Variants in SLC4A7 observed in about 807,000 individuals in gnomAD.
The protein encoded by SLC4A7 is solute carrier family 4 member 7, also known as sodium bicarbonate cotransporter 3.
A neutral mutation model predicts 137.6 loss-of-function variants in SLC4A7; 51 were observed. The ratio of observed to expected loss-of-function variants is 0.37; its 90% confidence interval spans 0.30 to 0.47. The LOEUF (loss-of-function observed/expected upper bound fraction) is 0.47. Ranked by LOEUF, SLC4A7 falls within the 20% of genes least tolerant of loss-of-function variation. The pLI, the probability that SLC4A7 is intolerant of heterozygous loss-of-function variation, is 1.00. For missense variants in SLC4A7, 1,247 were observed against 1,525.4 expected (o/e 0.82, Z 3.04); for synonymous variants, 542 against 518.6 (o/e 1.05, Z -0.61).
intron 6 of SLC4A7, among the ~76,000 whole-genome samples, chr3:27,433,545 C>T (rs943713195): frequency 6.6e-6 from 1 of 151,860 alleles, no homozygotes; most frequent in Non-Finnish European, 1.5e-5. Flanking sequence ...AAGACTGGAA[C>T]AGTCATAAAA....
chr3:27,457,755 TA>T (rs2058488221), intron 1 of SLC4A7, among the ~76,000 whole-genome samples: 1 of 152,178 alleles, frequency 6.6e-6, no homozygotes, highest in Admixed American at 6.5e-5. Context: ...AAAATTTTTT[TA>T]AATCACACTT....
At position 27,400,805 on chromosome 3, in the gene SLC4A7, T is replaced by C. The variant is rs762063371; in HGVS notation, c.2386A>G (p.Ile796Val). Residue 796 changes from isoleucine to valine, a missense_variant, in exon 16 of 26, where the codon ATA becomes GTA. Ile to Val is a conservative substitution (Grantham distance 29). This residue lies in a region of SLC4A7 where 499 missense variants were observed against 664.2 expected (regional missense o/e 0.75). Coordinates refer to ENST00000454389, the MANE Select transcript of SLC4A7 (RefSeq NM_001321103.2). The stretch of plus-strand genomic sequence containing the variant: ...CTCCAGGAAATATTGTGTGCTGTTA[T>C]ATTATCTTTCTTCCATTGTGCTAGA... ...ETLAQWKKDN[I>V]TAHNISWRNL... is the part of the protein sequence containing the mutation. 128 of 1,608,082 alleles carry C rather than the reference T, an allele frequency of 8.0e-5. No individual in the cohort carries two copies. Among genetic ancestry groups the C allele is most frequent in the Non-Finnish European group, 1.0e-4 (120 of 1,174,796 alleles).
chr3:27,431,487 A>T lies in SLC4A7; in HGVS notation c.961T>A (p.Ser321Thr). 1.2e-6 allele frequency: 2 copies of T among 1,614,102 alleles called. No individual in the cohort carries two copies. Among genetic ancestry groups the T allele is most frequent in the Non-Finnish European group, 1.7e-6 (2 of 1,179,992 alleles). Residue 321 changes from serine to threonine, a missense_variant, in exon 7 of 26, where the codon TCT (serine) becomes ACT (threonine). Physicochemically the swap from Ser to Thr is moderately conservative, Grantham distance 58 (BLOSUM62 1). Coordinates refer to ENST00000454389, the MANE Select transcript of SLC4A7 (RefSeq NM_001321103.2). ...GTCAGGCGGCTGATGCTAGGGCTAG[A>T]AGGAGGACTGTTTTGAGGGGTGGGT... The part of the protein sequence containing the change: ...PVPTPQNSPP[S>T]SPSISRLTSR...
intron 1 of SLC4A7, chr3:27,462,487 C>T (rs2058752687): frequency 6.6e-6 from 1 of 152,246 alleles, no homozygotes; most frequent in Admixed American, 6.5e-5. Flanking sequence ...CATAGCCATG[C>T]TTCTAAAGAT....
chr3:27,484,157 C>T lies in SLC4A7; in HGVS notation c.-31G>A, dbSNP rs945870604. Reference sequence around the variant, plus strand: ...GCCGGCCAGCCCGTGACGGCCGCTACGGTACTGCCCCGCGCGGTCTGCCTG... The same window carrying T: ...GCCGGCCAGCCCGTGACGGCCGCTATGGTACTGCCCCGCGCGGTCTGCCTG... On this transcript the variant is annotated 5_prime_UTR_variant, in exon 1 of 26. Coordinates refer to ENST00000454389, the MANE Select transcript of SLC4A7 (RefSeq NM_001321103.2). 2.2e-5 allele frequency: 29 copies of T among 1,296,404 alleles called. No homozygotes were observed. In the East Asian group the frequency reaches 8.8e-4, roughly 39 times the overall value. The allele number at this position is 1,296,404 out of a possible 1,614,324, so 80.3% of individuals were successfully genotyped here. A position where few individuals can be genotyped will look rare whatever the true frequency, so the allele number is the denominator to read the frequency against.
Position 27,418,453 on chromosome 3 carries a change from G to GT in SLC4A7, c.1659+32dup, listed in dbSNP as rs781548277. The stretch of plus-strand genomic sequence containing the variant: ...TCAAAAAAAATTTTATTAAAATAAA[G>GT]TAAGTCACAGAAGAATAGCTCTGGA... On this transcript the variant is annotated intron_variant, in intron 11 of 25. Transcript: ENST00000454389. The GT allele has an allele frequency of 5.1e-6, 8 of 1,558,072 alleles. No homozygotes were observed. The East Asian group carries it at 1.6e-4, about 31-fold the overall frequency.
intron 3 of SLC4A7, among the ~76,000 whole-genome samples, chr3:27,445,104 A>G (rs1292948017): frequency 6.6e-6 from 1 of 152,220 alleles, no homozygotes; most frequent in Non-Finnish European, 1.5e-5. Flanking sequence ...GCTGAAGGGA[A>G]CGCAAACTAT....
chr3:27,446,337 C>T (rs989244445), intron 3 of SLC4A7, among the ~76,000 whole-genome samples: 3 of 152,042 alleles, frequency 2.0e-5, no homozygotes, highest in Admixed American at 6.5e-5. Context: ...AGAGCAAAAA[C>T]GAAGAGACTT....
At chr3:27,418,360 G>C (rs901178000) in intron 11 of SLC4A7, 126 bp downstream of exon 11, 1 of 692,072 alleles carries the variant, frequency 1.4e-6, no homozygotes, top group South Asian at 1.9e-5. Flanking sequence ...GTAAGTATGG[G>C]GGTAAGAAGG....
chr3:27,399,179 T>C (rs1355582114), intron 16 of SLC4A7, among the ~76,000 whole-genome samples: 1 of 152,120 alleles, frequency 6.6e-6, no homozygotes, highest in Non-Finnish European at 1.5e-5. Context: ...TGTGCTGAGA[T>C]TAGTAAACCT....
At chr3:27,436,639 A>AT in intron 4 of SLC4A7, 91 bp from the exon 5 acceptor site, 1 of 298,620 alleles carries the variant, frequency 3.3e-6, no homozygotes, top group East Asian at 9.4e-5. Flanking sequence ...TTCTTTAAAG[A>AT]AAAAAAAAAA....
At chr3:27,405,727 T>C (rs2053275725) in intron 13 of SLC4A7, among the ~76,000 whole-genome samples, 1 of 152,094 alleles carries the variant, frequency 6.6e-6, no homozygotes, top group Admixed American at 6.6e-5. Flanking sequence ...GCTTAATCAA[T>C]TATCAAAACT....
At chr3:27,422,977 C>G in intron 8 of SLC4A7, 1 of 309,600 alleles carries the variant, frequency 3.2e-6, no homozygotes, top group East Asian at 7.8e-5. Flanking sequence ...TTAATTTATT[C>G]ATTTAACAAG....
intron 2 of SLC4A7, 99 bp from the exon 3 acceptor site, chr3:27,448,896 T>C: frequency 1.3e-6 from 1 of 767,894 alleles, no homozygotes; most frequent in South Asian, 2.7e-5. Context: ...AGAATATAAG[T>C]TCACGTAATT....
In SLC4A7 at chr3:27,404,818, G is replaced by T. The variant is rs1409414315; in HGVS notation, c.2075+12C>A. The stretch of plus-strand genomic sequence containing the variant: ...ATAACACATGTGATAAGTAGAGAGG[G>T]CTATTACTTACCTGCAGAATTTATA... On this transcript the variant is annotated intron_variant, in intron 14 of 25. Transcript: ENST00000454389. The T allele has an allele frequency of 1.2e-5, 19 of 1,574,906 alleles. No individual in the cohort carries two copies. The highest frequency in any genetic ancestry group is 5.5e-5 in the African/African-American group (4 of 73,244).
intron 1 of SLC4A7, among the ~76,000 whole-genome samples, chr3:27,479,913 T>C (rs543143913): frequency 7.9e-5 from 12 of 152,336 alleles, no homozygotes; most frequent in African/African-American, 2.9e-4. Context: ...TTGCAGATCC[T>C]ATCCACTTTA....
At chr3:27,422,417 G>A (rs973083069) in intron 8 of SLC4A7, among the ~76,000 whole-genome samples, 2 of 152,016 alleles carry the variant, frequency 1.3e-5, no homozygotes, top group Non-Finnish European at 2.9e-5. Context: ...ACAGGCATGC[G>A]CTACCACGCC....
In SLC4A7 at chr3:27,403,244, A is replaced by T; in HGVS notation, c.2216T>A (p.Leu739His). 6.2e-7 allele frequency: 1 copy of T among 1,614,050 alleles called. No individual in the cohort carries two copies. Among genetic ancestry groups the T allele is most frequent in the Non-Finnish European group, 8.5e-7 (1 of 1,179,952 alleles). Reference protein sequence around the residue: ...TRFTEEAFAALICIIFIYEAL... With the variant: ...TRFTEEAFAAHICIIFIYEAL... ...CTCGTAGATGAATATGATGCAAATA[A>T]GGGCTGCAAAAGCCTCTTCTGTAAA... is the stretch of plus-strand genomic sequence containing the variant. Residue 739 changes from leucine to histidine, a missense_variant, in exon 15 of 26, where the codon CTT becomes CAT. Physicochemically the swap from Leu to His is moderately conservative, Grantham distance 99. Transcript: ENST00000454389.
At chr3:27,406,994 T>C (rs967072097) in intron 13 of SLC4A7, among the ~76,000 whole-genome samples, 3 of 151,516 alleles carry the variant, frequency 2.0e-5, no homozygotes, top group Non-Finnish European at 4.4e-5. Flanking sequence ...AAGCAAAACA[T>C]TGAGACATGA....
Sources: allele counts gnomAD v4.1 joint callset (sites outside exome capture counted in the v4.1 genomes callset), GRCh38; gene constraint gnomAD v4.1.1; regional missense constraint gnomAD v4.1.1; transcripts MANE v1.5; gene names NCBI Gene and HGNC (gene_info 2026-07-23, HGNC 2026-07-21).